SAMD5: variants seen among roughly 807,000 people sequenced by gnomAD.
SAMD5 encodes sterile alpha motif domain-containing protein 5.
A neutral mutation model predicts 11.3 loss-of-function variants in SAMD5; 13 were observed. The observed-to-expected ratio is 1.15, with a 90% confidence interval of 0.75 to 1.83. SAMD5 has a LOEUF of 1.83. Ranked by LOEUF, SAMD5 falls within the 40% of genes most tolerant of loss-of-function variation. The probability of loss-of-function intolerance (pLI) is 0.00; values close to 1 mark genes in which losing one functional copy is unlikely to be tolerated. For synonymous variants in SAMD5, 129 were observed against 111.3 expected (o/e 1.16, Z -1.00); for missense variants, 255 against 239.1 (o/e 1.07, Z -0.44).
the SAMD5 span, among the ~76,000 whole-genome samples, chr6:147,950,237 T>C: frequency 0.48 from 73,691 of 152,048 alleles, 19,517 homozygotes; most frequent in East Asian, 0.76. Flanking sequence ...ATTTGCTTTT[T>C]AATATATCTC....
In SAMD5 at chr6:147,509,159, G is replaced by T; in HGVS notation, c.231G>T (p.Glu77Asp). The T allele has an allele frequency of 7.2e-7, 1 of 1,387,610 alleles. No homozygotes were observed. The highest frequency in any genetic ancestry group is 9.3e-7 in the Non-Finnish European group (1 of 1,070,692). The allele number at this position is 1,387,610 out of a possible 1,614,324, so 86.0% of individuals were successfully genotyped here. A position where few individuals can be genotyped will look rare whatever the true frequency, so the allele number is the denominator to read the frequency against. ...CCGCCGGCCTCTACTTCACGCTTGA[G>T]CCGCAGCCGGCGCCCCCCGGGCCGC... The part of the protein sequence containing the change: ...ANAAGLYFTL[E>D]PQPAPPGPPA... Residue 77 changes from glutamate (E) to aspartate (D), a missense_variant, in exon 1 of 2, where the codon GAG (glutamate) becomes GAT (aspartate). By Grantham distance (45) the Glu-to-Asp change is conservative (BLOSUM62 2). Transcript: ENST00000367474.
At chr6:147,874,912 G>A in the SAMD5 span, among the ~76,000 whole-genome samples, 70 of 152,188 alleles carry the variant, frequency 4.6e-4, 1 homozygote, top group East Asian at 0.012. Context: ...ATGTTAAGCT[G>A]CGTTAAGAGT....
At chr6:147,802,974 G>A in the SAMD5 span, among the ~76,000 whole-genome samples, 1 of 152,196 alleles carries the variant, frequency 6.6e-6, no homozygotes, top group African/African-American at 2.4e-5. Flanking sequence ...CACAAATGTA[G>A]CATTTGCTAA....
chr6:147,643,687 G>C (rs552060593), intron 1 of SAMD5, among the ~76,000 whole-genome samples: 15 of 151,074 alleles, frequency 9.9e-5, no homozygotes, highest in African/African-American at 3.4e-4. Flanking sequence ...GTATTTTATG[G>C]AAGACTTTAC....
the SAMD5 span, among the ~76,000 whole-genome samples, chr6:147,821,954 A>G: frequency 6.6e-6 from 1 of 152,218 alleles, no homozygotes; most frequent in African/African-American, 2.4e-5. Flanking sequence ...ATGAAGTAAT[A>G]GAAACACATT....
chr6:147,666,825 C>T (rs1369559208), intron 1 of SAMD5, among the ~76,000 whole-genome samples: 2 of 152,184 alleles, frequency 1.3e-5, no homozygotes, highest in African/African-American at 4.8e-5. Context: ...TACTGGGATG[C>T]TGTTGATAAC....
intron 1 of SAMD5, among the ~76,000 whole-genome samples, chr6:147,666,940 C>T (rs1790731159): frequency 6.6e-6 from 1 of 152,160 alleles, no homozygotes; most frequent in Non-Finnish European, 1.5e-5. Flanking sequence ...CAGTGCTCAC[C>T]CTGAAGCCTT....
intron 1 of SAMD5, among the ~76,000 whole-genome samples, chr6:147,718,306 ACCG>A (rs1352649922): frequency 4.6e-5 from 7 of 151,976 alleles, no homozygotes; most frequent in Non-Finnish European, 1.5e-5. Context: ...GCATGGAAAA[ACCG>A]CCTAAATCAC....
At chr6:147,605,259 T>C (rs1375165347) in intron 1 of SAMD5, among the ~76,000 whole-genome samples, 1 of 152,184 alleles carries the variant, frequency 6.6e-6, no homozygotes, top group Non-Finnish European at 1.5e-5. Flanking sequence ...ACTACAGGCA[T>C]GCACCACCAC....
Position 147,566,750 on chromosome 6 carries a change from A to G in SAMD5, c.*2294A>G. On this transcript the variant is annotated 3_prime_UTR_variant, in exon 2 of 2. Coordinates refer to ENST00000367474, the MANE Select transcript of SAMD5 (RefSeq NM_001030060.3). ...TTAAAAAGACATCTTAGTTAAAGCT[A>G]GAGGAAGAAAACTTCAAATAAGCAA... The G allele has an allele frequency of 1.0e-6, 1 of 985,278 alleles. No homozygotes were observed. The highest frequency in any genetic ancestry group is 1.2e-6 in the Non-Finnish European group (1 of 829,760). The allele number at this position is 985,278 out of a possible 1,614,324, so 61.0% of individuals were successfully genotyped here. A position where few individuals can be genotyped will look rare whatever the true frequency, so the allele number is the denominator to read the frequency against.
chr6:147,691,476 T>C (rs1364770049), intron 1 of SAMD5, among the ~76,000 whole-genome samples: 1 of 152,214 alleles, frequency 6.6e-6, no homozygotes, highest in Non-Finnish European at 1.5e-5. Context: ...CTTTCAGATA[T>C]ACCAAGAGAT....
intron 1 of SAMD5, among the ~76,000 whole-genome samples, chr6:147,541,840 T>G (rs561031291): frequency 6.6e-6 from 1 of 152,282 alleles, no homozygotes; most frequent in South Asian, 2.1e-4. Context: ...AAACCAGGAC[T>G]CTTCCTACTA....
chr6:147,936,475 T>C, the SAMD5 span, among the ~76,000 whole-genome samples: 2 of 151,802 alleles, frequency 1.3e-5, no homozygotes, highest in Non-Finnish European at 2.9e-5. Context: ...ATCACACACT[T>C]TTAAATGACC....
At chr6:147,911,613 T>C in the SAMD5 span, among the ~76,000 whole-genome samples, 1 of 152,224 alleles carries the variant, frequency 6.6e-6, no homozygotes, top group Non-Finnish European at 1.5e-5. Flanking sequence ...CCTTTCCCTT[T>C]GACCAAGATG....
intron 1 of SAMD5, chr6:147,676,095 C>T (rs1448546780): frequency 3.3e-5 from 5 of 151,970 alleles, no homozygotes; most frequent in Admixed American, 3.3e-4. Context: ...GTAATGTTAC[C>T]CCTGAGAAAA....
At chr6:147,723,038 C>T (rs1302667813) in intron 1 of SAMD5, among the ~76,000 whole-genome samples, 1 of 152,238 alleles carries the variant, frequency 6.6e-6, no homozygotes, top group East Asian at 1.9e-4. Context: ...AGCCCTTGCA[C>T]ACTGCAGCCA....
chr6:147,586,510 A>G (rs887618827), intron 1 of SAMD5, among the ~76,000 whole-genome samples: 6 of 152,162 alleles, frequency 3.9e-5, no homozygotes, highest in African/African-American at 1.4e-4. Flanking sequence ...AAATTGTGGA[A>G]TGGAGAGGCT....
chr6:147,902,484 A>G, the SAMD5 span, among the ~76,000 whole-genome samples: 1 of 152,152 alleles, frequency 6.6e-6, no homozygotes. Flanking sequence ...TATTTCTCCA[A>G]CTAATTTTTT....
chr6:147,613,416 G>A lies in SAMD5; in HGVS notation c.162+104029G>A, dbSNP rs117755196. On this transcript the variant is annotated intron_variant, in intron 1 of 1. Coordinates refer to the SAMD5 transcript ENST00000566741. ...CTTCTGGCCCCCTTTCTGGCTAGTC[G>A]AGACTCAGCACTCACCGAGGCTCAG... 5.3e-4 allele frequency among the ~76,000 whole-genome samples: 81 copies of A among 151,892 alleles called. No individual in the cohort carries two copies. The East Asian group carries it at 0.013, about 25-fold the overall frequency.
Sources: allele counts gnomAD v4.1 joint callset (sites outside exome capture counted in the v4.1 genomes callset), GRCh38; gene constraint gnomAD v4.1.1; transcripts MANE v1.5; gene names NCBI Gene and HGNC (gene_info 2026-07-23, HGNC 2026-07-21).